The following PGLYRP2 variants were observed in gnomAD, a reference collection of about 807,000 sequenced individuals.
The protein encoded by PGLYRP2 is N-acetylmuramoyl-L-alanine amidase.
A neutral mutation model predicts 46.2 loss-of-function variants in PGLYRP2; 38 were observed. That is an observed-to-expected ratio of 0.82 (90% CI 0.64 to 1.08). The LOEUF is 1.08. PGLYRP2 is among the 50% of genes least tolerant of loss of function. The probability of loss-of-function intolerance (pLI) is 0.00; values close to 1 mark genes in which losing one functional copy is unlikely to be tolerated. For missense variants in PGLYRP2, 713 were observed against 755.9 expected, an observed-to-expected ratio of 0.94 and a Z score of 0.67; for synonymous variants, 289 against 329.4, an observed-to-expected ratio of 0.88 and a Z score of 1.33.
intron 2 of PGLYRP2, among the ~76,000 whole-genome samples, chr19:15,475,229 G>T (rs1424092164): frequency 6.6e-6 from 1 of 152,118 alleles, no homozygotes; most frequent in Non-Finnish European, 1.5e-5. Flanking sequence ...TATGTTATTG[G>T]AGTGATGGGT....
intron 2 of PGLYRP2, among the ~76,000 whole-genome samples, chr19:15,472,730 T>C (rs1187780796): frequency 6.6e-6 from 1 of 152,124 alleles, no homozygotes; most frequent in African/African-American, 2.4e-5. Flanking sequence ...TGAGACCTCA[T>C]TTTCTAGAAA....
intron 2 of PGLYRP2, among the ~76,000 whole-genome samples, chr19:15,473,470 CAAAAAAAAAAAAAAAAAAAAAAAAA>C (rs56053684): frequency 2.7e-5 from 1 of 36,460 alleles, no homozygotes; most frequent in Admixed American, 5.6e-4. Flanking sequence ...AACTCTGTCT[CAAAAAAAAAAAAAAAAAAAAAAAAA>C]AAAAAAAAAA....
chr19:15,474,322 A>G (rs1970775628), intron 2 of PGLYRP2, among the ~76,000 whole-genome samples: 1 of 152,110 alleles, frequency 6.6e-6, no homozygotes, highest in South Asian at 2.1e-4. Context: ...GGGAGACAAG[A>G]GTGAAACTCT....
chr19:15,471,103 C>CTTTT lies in PGLYRP2; in HGVS notation c.1343+783_1343+786dup, dbSNP rs71176418. ...TACAGGCGCGCAACACCATGCCCAGCTTTTTTTTTTTTTTTTTTTTTTTTT... is the reference window on the plus strand; with the variant it reads ...TACAGGCGCGCAACACCATGCCCAGCTTTTTTTTTTTTTTTTTTTTTTTTTTTTT... On this transcript the variant is annotated intron_variant, in intron 3 of 4. Coordinates refer to ENST00000340880, the MANE Select transcript of PGLYRP2 (RefSeq NM_052890.4). Among the ~76,000 whole-genome samples the CTTTT allele has an allele frequency of 1.9e-3, 152 of 79,462 alleles. 22 individuals carry two copies. Among genetic ancestry groups the CTTTT allele is most frequent in the African/African-American group, 8.2e-3 (136 of 16,488 alleles). 52.1% of individuals were successfully genotyped at this position (79,462 alleles called of 152,430 possible). A position where few individuals can be genotyped will look rare whatever the true frequency, so the allele number is the denominator to read the frequency against.
At chr19:15,476,703 T>C in intron 1 of PGLYRP2, 95 bp from the exon 2 acceptor site, 1 of 1,052,340 alleles carries the variant, frequency 9.5e-7, no homozygotes, top group South Asian at 1.7e-5. Context: ...GCCCTCCATC[T>C]GATAACCCCA....
intron 3 of PGLYRP2, among the ~76,000 whole-genome samples, chr19:15,470,872 G>A (rs931878600): frequency 5.3e-5 from 8 of 151,788 alleles, no homozygotes; most frequent in Non-Finnish European, 7.4e-5. Flanking sequence ...TGGAACTCCC[G>A]ACCTCAGGTG....
intron 3 of PGLYRP2, among the ~76,000 whole-genome samples, chr19:15,470,241 T>TTCCC (rs1970732657): frequency 1.1e-4 from 11 of 100,002 alleles, no homozygotes; most frequent in Non-Finnish European, 6.0e-5. Flanking sequence ...GTTTTTTTTC[T>TTCCC]TTCCTTCCTT....
In PGLYRP2 at chr19:15,476,468, G is replaced by T; in HGVS notation, c.202C>A (p.His68Asn). 1 of 1,614,180 alleles carries T rather than the reference G, an allele frequency of 6.2e-7. No individual in the cohort carries two copies. Among genetic ancestry groups the T allele is most frequent in the Non-Finnish European group, 8.5e-7 (1 of 1,180,038 alleles). Residue 68 changes from histidine (H) to asparagine (N), a missense_variant, in exon 2 of 5, where the codon CAC becomes AAC. His to Asn is a moderately conservative substitution (Grantham distance 68). Transcript: ENST00000340880. The part of the protein sequence containing the change: ...PNSGPHNRLY[H>N]FLLGAWSLNA... ...AGGCTCCATGCCCCCAGCAGGAAGT[G>T]GTAGAGGCGATTGTGGGGGCCAGAG...
chr19:15,469,734 C>T lies in PGLYRP2; in HGVS notation c.1539G>A (p.Leu513=). 1.3e-6 allele frequency: 2 copies of T among 1,489,914 alleles called. No homozygotes were observed. The highest frequency in any genetic ancestry group is 1.3e-5 in the South Asian group (1 of 74,598). The allele number at this position is 1,489,914 out of a possible 1,614,324, so 92.3% of individuals were successfully genotyped here. The change falls in exon 4 of 5, where the codon CTG becomes CTA. Residue 513 remains leucine (L), a synonymous_variant. Transcript: ENST00000340880. This position sits in a 1 kb window ranked among gnomAD's most constrained non-coding sequence, Gnocchi z 4.9. Reference sequence around the variant, plus strand: ...GGCCCAGCAGCGCGTAGTCTGGCCGCAGGAGGCCGGCGCGCACCGCACAAC... The same window carrying T: ...GGCCCAGCAGCGCGTAGTCTGGCCGTAGGAGGCCGGCGCGCACCGCACAAC... ...LPSCAVRAGL[L]RPDYALLGHR...
intron 4 of PGLYRP2, 43 bp from the exon 5 acceptor site, chr19:15,468,795 G>T (rs529274628): frequency 6.6e-7 from 1 of 1,522,708 alleles, no homozygotes; most frequent in Non-Finnish European, 9.0e-7. Flanking sequence ...GGTGGTTGTG[G>T]TATGTGGCTG....
chr19:15,478,502 G>A (rs920908202), intron 1 of PGLYRP2, among the ~76,000 whole-genome samples: 6 of 152,168 alleles, frequency 3.9e-5, no homozygotes, highest in African/African-American at 1.4e-4. Flanking sequence ...AGGTACCCTG[G>A]CCTATATAGA....
chr19:15,471,205 C>T (rs547474968), intron 3 of PGLYRP2, among the ~76,000 whole-genome samples: 1 of 147,838 alleles, frequency 6.8e-6, no homozygotes, highest in Non-Finnish European at 1.5e-5. Context: ...CTCCGCCTTC[C>T]GGGTTCACGC....
chr19:15,477,390 C>CCA (rs1183319044), intron 1 of PGLYRP2, among the ~76,000 whole-genome samples: 20 of 46,652 alleles, frequency 4.3e-4, no homozygotes, highest in East Asian at 3.5e-3. Context: ...GAGACTTTGT[C>CCA]TCAAAAAAAA....
At position 15,469,690 on chromosome 19, in the gene PGLYRP2, G is replaced by C. The variant is rs1408368953; in HGVS notation, c.1583C>G (p.Thr528Ser). Residue 528 changes from threonine (T) to serine (S), a missense_variant, in exon 4 of 5, where the codon ACC becomes AGC. By Grantham distance (58) the Thr-to-Ser change is moderately conservative. Transcript: ENST00000340880. The surrounding 1 kb of genome is among the most constrained non-coding windows in gnomAD (Gnocchi z 4.9). Reference sequence around the variant, plus strand: ...GAAGAGCGCGTCGCCGGGGCAGTCGGTGCGCACCAGCTGGCGGTGGCCCAG... The same window carrying C: ...GAAGAGCGCGTCGCCGGGGCAGTCGCTGCGCACCAGCTGGCGGTGGCCCAG... ...ALLGHRQLVR[T>S]DCPGDALFDL... is the part of the protein sequence containing the mutation. 6.5e-7 allele frequency: 1 copy of C among 1,528,424 alleles called. No homozygotes were observed. Among genetic ancestry groups the C allele is most frequent in the Non-Finnish European group, 8.7e-7 (1 of 1,143,486 alleles). 94.7% of individuals were successfully genotyped at this position (1,528,424 alleles called of 1,614,324 possible). A position where few individuals can be genotyped will look rare whatever the true frequency, so the allele number is the denominator to read the frequency against.
Position 15,475,759 on chromosome 19 carries a change from T to C in PGLYRP2, c.911A>G (p.Tyr304Cys), listed in dbSNP as rs150275403. The C allele has an allele frequency of 1.2e-6, 2 of 1,613,886 alleles. No homozygotes were observed. The highest frequency in any genetic ancestry group is 1.7e-6 in the Non-Finnish European group (2 of 1,179,904). ...TGGGTCTCTGGCCACCCCAGCCCCATAGTACTGGCTCAGCAAGTGGCTGAG... is the reference window on the plus strand; with the variant it reads ...TGGGTCTCTGGCCACCCCAGCCCCACAGTACTGGCTCAGCAAGTGGCTGAG... ...PSLSHLLSQY[Y>C]GAGVARDPGF... The change falls in exon 2 of 5, where the codon TAT becomes TGT. Residue 304 changes from tyrosine (Y) to cysteine (C), a missense_variant. Tyr to Cys is a radical substitution (Grantham distance 194). Transcript: ENST00000340880.
chr19:15,476,202 T>C lies in PGLYRP2; in HGVS notation c.468A>G (p.Pro156=). The change falls in exon 2 of 5, where the codon CCA becomes CCG. Residue 156 remains proline (P), a synonymous_variant. Transcript: ENST00000340880. The part of the protein sequence containing the change: ...AAPWETGDTF[P]DVVAIAPDVR... ...CATCTGGAGCAATGGCCACAACATC[T>C]GGAAAGGTATCTCCAGTCTCCCAAG... 1 of 1,614,110 alleles carries C rather than the reference T, an allele frequency of 6.2e-7. No individual in the cohort carries two copies. Among genetic ancestry groups the C allele is most frequent in the Non-Finnish European group, 8.5e-7 (1 of 1,180,022 alleles).
At position 15,469,654 on chromosome 19, in the gene PGLYRP2, C is replaced by G. The variant is rs751029820; in HGVS notation, c.1619G>C (p.Arg540Pro). 3.2e-6 allele frequency: 5 copies of G among 1,563,410 alleles called. No individual in the cohort carries two copies. The highest frequency in any genetic ancestry group is 1.8e-5 in the Admixed American group (1 of 56,636). Residue 540 changes from arginine (R) to proline (P), a missense_variant, in exon 4 of 5, where the codon CGC (arginine) becomes CCC (proline). Arg to Pro is a moderately radical substitution (Grantham distance 103). Transcript: ENST00000340880. The surrounding 1 kb of genome is among the most constrained non-coding windows in gnomAD (Gnocchi z 4.9). ...CPGDALFDLL[R>P]TWPHFTATVK... is the part of the protein sequence containing the mutation. The stretch of plus-strand genomic sequence containing the variant: ...CACCGCGGTGAAGTGCGGCCAGGTG[C>G]GCAGCAGGTCGAAGAGCGCGTCGCC...
chr19:15,478,381 A>G (rs988309453), intron 1 of PGLYRP2, among the ~76,000 whole-genome samples: 1 of 152,186 alleles, frequency 6.6e-6, no homozygotes, highest in African/African-American at 2.4e-5. Flanking sequence ...TTTATTTCTC[A>G]TAGTTCTAGA....
chr19:15,476,707 A>G, intron 1 of PGLYRP2, 99 bp from the exon 2 acceptor site: 1 of 1,011,406 alleles, frequency 9.9e-7, no homozygotes, highest in Non-Finnish European at 1.4e-6. Flanking sequence ...TCCATCTGAT[A>G]ACCCCATGAC....
Sources: allele counts gnomAD v4.1 joint callset (sites outside exome capture counted in the v4.1 genomes callset), GRCh38; gene constraint gnomAD v4.1.1; non-coding constraint Gnocchi (gnomAD v3.1); transcripts MANE v1.5; gene names NCBI Gene and HGNC (gene_info 2026-07-23, HGNC 2026-07-21).